Variants in DNAJB7 observed in about 807,000 individuals in gnomAD.
The protein encoded by DNAJB7 is DnaJ heat shock protein family (Hsp40) member B7, also known as dnaJ homolog subfamily B member 7.
Under a neutral mutation model 1.2 loss-of-function variants are expected in DNAJB7, and 1 was observed. That is an observed-to-expected ratio of 0.84 (90% CI 0.30 to 4.01). DNAJB7 has a LOEUF of 4.01. Ranked by LOEUF, DNAJB7 falls within the 30% of genes most tolerant of loss-of-function variation. DNAJB7 has a pLI of 0.18. For synonymous variants in DNAJB7, 128 were observed against 127.7 expected (o/e 1.00, Z -0.01); for missense variants, 420 against 358.5 (o/e 1.17, Z -1.39).
At chr22:40,861,257 GT>G in the DNAJB7 span, 1 of 1,614,128 alleles carries the variant, frequency 6.2e-7, no homozygotes, top group Non-Finnish European at 8.5e-7. Flanking sequence ...TTGGTGAATA[GT>G]TGTTGAATGA....
chr22:40,861,933 T>A lies in DNAJB7; in HGVS notation c.62A>T (p.Lys21Ile). The stretch of plus-strand genomic sequence containing the variant: ...TTTAAGTGCCACTTTATGATAAGCT[T>A]TTTTAATGTCCTCAGGTGAAGCATA... ...QRYASPEDIK[K>I]AYHKVALKWH... The change falls in exon 1 of 1, where the codon AAA (lysine) becomes ATA (isoleucine). Residue 21 changes from lysine to isoleucine, a missense_variant. Transcript: ENST00000307221. 1 of 1,613,332 alleles carries A rather than the reference T, an allele frequency of 6.2e-7. No individual in the cohort carries two copies. Among genetic ancestry groups the A allele is most frequent in the Non-Finnish European group, 8.5e-7 (1 of 1,179,816 alleles).
the DNAJB7 span, chr22:40,861,350 A>ATC: frequency 6.2e-7 from 1 of 1,614,150 alleles, no homozygotes; most frequent in South Asian, 1.1e-5. Flanking sequence ...ACTCTCCATT[A>ATC]TCTTCAGCTT....
rs750716923 is a variant in DNAJB7 at position 40,861,638 on chromosome 22, C to T, written c.357G>A (p.Leu119=). 3 of 1,613,650 alleles carry T rather than the reference C, an allele frequency of 1.9e-6. No homozygotes were observed. The South Asian group carries it at 3.3e-5, about 18-fold the overall frequency. The change falls in exon 1 of 1, where the codon CTG becomes CTA. Residue 119 remains leucine, a synonymous_variant. Transcript: ENST00000307221. ...CATAGGAGCTTCCTGGACGATTTAA[C>T]AGGTCCTCAAGCGAGTCTTCAAAGA... is the stretch of plus-strand genomic sequence containing the variant. The part of the protein sequence containing the change: ...FHFFEDSLED[L]LNRPGSSYGN...
rs748296592 is a variant in DNAJB7, at chr22:40,861,850, C to T, written c.145G>A (p.Val49Ile). The T allele has an allele frequency of 6.2e-7, 1 of 1,613,688 alleles. No individual in the cohort carries two copies. The highest frequency in any genetic ancestry group is 2.2e-5 in the East Asian group (1 of 44,630). Reference sequence around the variant, plus strand: ...GATAATACCTCGTATGCCTCAGCTACTTCTTTGAATTTTCTCTCTGCTTCT... The same window carrying T: ...GATAATACCTCGTATGCCTCAGCTATTTCTTTGAATTTTCTCTCTGCTTCT... ...KEEAERKFKE[V>I]AEAYEVLSND... is the part of the protein sequence containing the mutation. Residue 49 changes from valine (V) to isoleucine (I), a missense_variant, in exon 1 of 1, where the codon GTA (valine) becomes ATA (isoleucine). Coordinates refer to ENST00000307221, the MANE Select transcript of DNAJB7 (RefSeq NM_145174.2).
Position 40,861,937 on chromosome 22 carries a change from T to G in DNAJB7, c.58A>C (p.Lys20Gln), listed in dbSNP as rs1367753843. 5.6e-6 allele frequency: 9 copies of G among 1,613,140 alleles called. No homozygotes were observed. The highest frequency in any genetic ancestry group is 7.6e-6 in the Non-Finnish European group (9 of 1,179,792). ...LQRYASPEDIKKAYHKVALKW... is the reference protein window; with the variant it reads ...LQRYASPEDIQKAYHKVALKW... The stretch of plus-strand genomic sequence containing the variant: ...AGTGCCACTTTATGATAAGCTTTTT[T>G]AATGTCCTCAGGTGAAGCATATCTT... The change falls in exon 1 of 1, where the codon AAA becomes CAA. Residue 20 changes from lysine (K) to glutamine (Q), a missense_variant. Physicochemically the swap from Lys to Gln is moderately conservative, Grantham distance 53. Transcript: ENST00000307221.
At chr22:40,861,110 C>CT in the DNAJB7 span, 7 of 1,610,626 alleles carry the variant, frequency 4.3e-6, no homozygotes, top group East Asian at 2.2e-5. Flanking sequence ...CTTTACGCTT[C>CT]TTTTTTTTCC....
rs766199609 is a variant in DNAJB7 at position 40,861,835 on chromosome 22, C to T, written c.160G>A (p.Glu54Lys). ...CGTTTCTCATCATTTGATAATACCT[C>T]GTATGCCTCAGCTACTTCTTTGAAT... ...RKFKEVAEAYEVLSNDEKRDI... is the reference protein window; with the variant it reads ...RKFKEVAEAYKVLSNDEKRDI... The change falls in exon 1 of 1, where the codon GAG (glutamate) becomes AAG (lysine). Residue 54 changes from glutamate (E) to lysine (K), a missense_variant. Glu to Lys is a moderately conservative substitution (Grantham distance 56). Transcript: ENST00000307221. 19 of 1,613,908 alleles carry T rather than the reference C, an allele frequency of 1.2e-5. No individual in the cohort carries two copies. Among genetic ancestry groups the T allele is most frequent in the Admixed American group, 1.7e-5 (1 of 59,960 alleles).
Position 40,860,267 on chromosome 22 carries a change from G to T in DNAJB7, c.*798C>A, listed in dbSNP as rs554793358. On this transcript the variant is annotated 3_prime_UTR_variant, in exon 1 of 1. Transcript: ENST00000307221. The stretch of plus-strand genomic sequence containing the variant: ...AAATTTTTAAAAAAGTTTTTTCATA[G>T]AGGACAGGTCTCATTATGTTACCCG... 1 of 152,422 alleles carries T rather than the reference G, an allele frequency of 6.6e-6. No homozygotes were observed. Among genetic ancestry groups the T allele is most frequent in the African/African-American group, 2.4e-5 (1 of 41,498 alleles). 9.4% of individuals were successfully genotyped at this position (152,422 alleles called of 1,614,324 possible).
rs2071888051 is a variant in DNAJB7 at position 40,862,037 on chromosome 22, A to G, written c.-43T>C. The G allele has an allele frequency of 1.3e-6, 2 of 1,539,868 alleles. No homozygotes were observed. Among genetic ancestry groups the G allele is most frequent in the Non-Finnish European group, 1.7e-6 (2 of 1,150,502 alleles). On this transcript the variant is annotated 5_prime_UTR_variant, in exon 1 of 1. Transcript: ENST00000307221. ...GAAGTGGGTGTGCTGGGTATTGAGAACCGTGGTTTCCTCAGCTCAGGCTCT... is the reference window on the plus strand; with the variant it reads ...GAAGTGGGTGTGCTGGGTATTGAGAGCCGTGGTTTCCTCAGCTCAGGCTCT...
rs2057943651 is a variant in DNAJB7 at position 40,861,214 on chromosome 22, T to C, written c.781A>G (p.Thr261Ala). 6.2e-7 allele frequency: 1 copy of C among 1,614,180 alleles called. No homozygotes were observed. The highest frequency in any genetic ancestry group is 8.5e-7 in the Non-Finnish European group (1 of 1,180,036). The part of the protein sequence containing the change: ...SHSSKHVSQY[T>A]FVDNDEGGIS... ...CCTCCCTCATCATTGTCCACGAAAGTATATTGAGATACATGTTTGGAGCTG... is the reference window on the plus strand; with the variant it reads ...CCTCCCTCATCATTGTCCACGAAAGCATATTGAGATACATGTTTGGAGCTG... Residue 261 changes from threonine (T) to alanine (A), a missense_variant, in exon 1 of 1, where the codon ACT becomes GCT. Thr to Ala is a moderately conservative substitution (Grantham distance 58, BLOSUM62 0). Transcript: ENST00000307221.
rs952018934 is a variant in DNAJB7, at chr22:40,860,547, T to C, written c.*518A>G. 2.0e-5 allele frequency: 17 copies of C among 866,086 alleles called. No individual in the cohort carries two copies. Among genetic ancestry groups the C allele is most frequent in the Non-Finnish European group, 2.7e-5 (17 of 622,602 alleles). 53.7% of individuals were successfully genotyped at this position (866,086 alleles called of 1,614,324 possible). On this transcript the variant is annotated 3_prime_UTR_variant, in exon 1 of 1. Coordinates refer to ENST00000307221, the MANE Select transcript of DNAJB7 (RefSeq NM_145174.2). The stretch of plus-strand genomic sequence containing the variant: ...CATTCTTGTCTTCTAATGCTATGCA[T>C]GTTTCGTAAGTTTGTATAGTGGTTT...
chr22:40,861,020 AACAC>A lies in DNAJB7; in HGVS notation c.*41_*44del, dbSNP rs916818795. 3.9e-6 allele frequency: 6 copies of A among 1,525,772 alleles called. No individual in the cohort carries two copies. Among genetic ancestry groups the A allele is most frequent in the Non-Finnish European group, 4.4e-6 (5 of 1,138,702 alleles). 94.5% of individuals were successfully genotyped at this position (1,525,772 alleles called of 1,614,324 possible). ...ATCTACAAAATTTGTGATTAACCAA[AACAC>A]ACACAATTGTGTTCAAATGTTATAT... On this transcript the variant is annotated 3_prime_UTR_variant, in exon 1 of 1. Transcript: ENST00000307221.
In DNAJB7 at chr22:40,860,538, T is replaced by C. The variant is rs1474108354; in HGVS notation, c.*527A>G. ...GTCTTGATACATTCTTGTCTTCTAA[T>C]GCTATGCATGTTTCGTAAGTTTGTA... is the stretch of plus-strand genomic sequence containing the variant. On this transcript the variant is annotated 3_prime_UTR_variant, in exon 1 of 1. Transcript: ENST00000307221. The C allele has an allele frequency of 1.3e-6, 1 of 772,742 alleles. No homozygotes were observed. 47.9% of individuals were successfully genotyped at this position (772,742 alleles called of 1,614,324 possible).
At position 40,861,334 on chromosome 22, in the gene DNAJB7, A is replaced by G. The variant is rs377093992; in HGVS notation, c.661T>C (p.Phe221Leu). 1 of 1,614,176 alleles carries G rather than the reference A, an allele frequency of 6.2e-7. No individual in the cohort carries two copies. The highest frequency in any genetic ancestry group is 8.5e-7 in the Non-Finnish European group (1 of 1,180,028). ...REAEDNGELT[F>L]FLVNSVANEE... is the part of the protein sequence containing the mutation. ...TTGGCCACACTATTTACAAGAAAAA[A>G]TGTCAACTCTCCATTATCTTCAGCT... The change falls in exon 1 of 1, where the codon TTT becomes CTT. Residue 221 changes from phenylalanine (F) to leucine (L), a missense_variant. Physicochemically the swap from Phe to Leu is conservative, Grantham distance 22. Transcript: ENST00000307221.
At chr22:40,861,921 TTATGA>T in the DNAJB7 span, 1 of 1,613,648 alleles carries the variant, frequency 6.2e-7, no homozygotes, top group Non-Finnish European at 8.5e-7. Context: ...AAGTGCCACT[TTATGA>T]TAAGCTTTTT....
chr22:40,861,372 T>C lies in DNAJB7; in HGVS notation c.623A>G (p.Asp208Gly). The part of the protein sequence containing the change: ...NINTKKIIES[D>G]QEREAEDNGE... Reference sequence around the variant, plus strand: ...ATTATCTTCAGCTTCTCTTTCTTGATCACTTTCAATAATTTTCTTTGTATT... The same window carrying C: ...ATTATCTTCAGCTTCTCTTTCTTGACCACTTTCAATAATTTTCTTTGTATT... Residue 208 changes from aspartate to glycine, a missense_variant, in exon 1 of 1, where the codon GAT (aspartate) becomes GGT (glycine). Transcript: ENST00000307221. 1 of 1,613,942 alleles carries C rather than the reference T, an allele frequency of 6.2e-7. No individual in the cohort carries two copies. Among genetic ancestry groups the C allele is most frequent in the Non-Finnish European group, 8.5e-7 (1 of 1,179,984 alleles).
At position 40,862,083 on chromosome 22, in the gene DNAJB7, T is replaced by G. The variant is rs935206759; in HGVS notation, c.-89A>C. 1.7e-5 allele frequency: 26 copies of G among 1,518,912 alleles called. No individual in the cohort carries two copies. Among genetic ancestry groups the G allele is most frequent in the Non-Finnish European group, 2.2e-5 (25 of 1,140,326 alleles). The allele number at this position is 1,518,912 out of a possible 1,614,324, so 94.1% of individuals were successfully genotyped here. On this transcript the variant is annotated 5_prime_UTR_variant, in exon 1 of 1. Coordinates refer to ENST00000307221, the MANE Select transcript of DNAJB7 (RefSeq NM_145174.2). ...GCTCTGCTGGTGGTGGTGATAGAGG[T>G]AGTGACTGCAAATAGGTACACTTTT...
At chr22:40,861,563 A>T in the DNAJB7 span, 1 of 1,613,460 alleles carries the variant, frequency 6.2e-7, no homozygotes, top group East Asian at 2.2e-5. Context: ...CAAAAATTGG[A>T]TATTCACTGG....
In DNAJB7 at chr22:40,859,639, C is replaced by T. The variant is rs1046983938; in HGVS notation, c.*1426G>A. ...CAGTCTCTTCTATAGAATAAATAAC[C>T]TTTCCTTCTCCCATCTGCCCACTAA... On this transcript the variant is annotated 3_prime_UTR_variant, in exon 1 of 1. Coordinates refer to ENST00000307221, the MANE Select transcript of DNAJB7 (RefSeq NM_145174.2). 1.3e-5 allele frequency: 2 copies of T among 152,096 alleles called. No individual in the cohort carries two copies. Among genetic ancestry groups the T allele is most frequent in the African/African-American group, 4.8e-5 (2 of 41,408 alleles). 9.4% of individuals were successfully genotyped at this position (152,096 alleles called of 1,614,324 possible).
Sources: gnomAD v4.1 joint callset for allele counts on GRCh38, gnomAD v4.1.1 for gene constraint, MANE v1.5 for transcripts, NCBI Gene and HGNC (gene_info 2026-07-23, HGNC 2026-07-21) for gene names.